Variants in COG6 observed in about 807,000 individuals in gnomAD.
COG6 encodes component of oligomeric golgi complex 6.
Under a neutral mutation model 88.8 loss-of-function variants are expected in COG6, and 74 were observed. The ratio of observed to expected loss-of-function variants is 0.83; its 90% CI spans 0.69 to 1.01. The LOEUF is 1.01. Among genes scored for constraint, COG6 ranks in the 50% least tolerant of loss-of-function variants. COG6 has a pLI of 0.00. For synonymous variants in COG6, 286 were observed against 278.7 expected (o/e 1.03, Z -0.26); for missense variants, 800 against 797.9 (o/e 1.00, Z -0.03).
At chr13:39,680,902 T>A (rs1876273921) in intron 7 of COG6, among the ~76,000 whole-genome samples, 1 of 152,196 alleles carries the variant, frequency 6.6e-6, no homozygotes, top group South Asian at 2.1e-4. Flanking sequence ...AGAAAATCTC[T>A]CCATTTTGAG....
intron 18 of COG6, among the ~76,000 whole-genome samples, chr13:39,745,476 T>C (rs1880292795): frequency 6.6e-6 from 1 of 152,018 alleles, no homozygotes; most frequent in Non-Finnish European, 1.5e-5. Context: ...AACAGACACA[T>C]GAAAAAATGC....
intron 18 of COG6, among the ~76,000 whole-genome samples, chr13:39,775,426 C>G (rs903322197): frequency 2.6e-5 from 4 of 152,162 alleles, no homozygotes; most frequent in African/African-American, 9.7e-5. Context: ...TCTCCACACA[C>G]TCTACCCACT....
chr13:39,744,503 A>C (rs1288134382), intron 18 of COG6, among the ~76,000 whole-genome samples: 3 of 152,212 alleles, frequency 2.0e-5, no homozygotes, highest in Non-Finnish European at 4.4e-5. Flanking sequence ...TCCCATTCAC[A>C]ATTGCTACAA....
At chr13:39,698,461 A>G (rs963342585) in intron 12 of COG6, among the ~76,000 whole-genome samples, 3 of 151,776 alleles carry the variant, frequency 2.0e-5, no homozygotes, top group Non-Finnish European at 4.4e-5. Flanking sequence ...GCTGTTTGCT[A>G]TATATATATG....
At chr13:39,691,575 C>T (rs1031580516) in intron 11 of COG6, among the ~76,000 whole-genome samples, 9 of 151,894 alleles carry the variant, frequency 5.9e-5, no homozygotes, top group African/African-American at 1.7e-4. Flanking sequence ...CAGGTGTTCA[C>T]AATAGTTACG....
At chr13:39,767,598 C>T (rs1370613224) in intron 18 of COG6, among the ~76,000 whole-genome samples, 1 of 152,122 alleles carries the variant, frequency 6.6e-6, no homozygotes, top group Non-Finnish European at 1.5e-5. Context: ...GTGGTGGGAG[C>T]ATTTACTAAA....
Position 39,763,492 on chromosome 13 carries a change from A to G in COG6, c.1827-24843A>G, listed in dbSNP as rs3000478. ...TGTAGATAAGCTTTATCAAATTAAG[A>G]AAGTTCCTTTCTGTTCCTGGTGTGT... On this transcript the variant is annotated intron_variant, in intron 18 of 18. Transcript: ENST00000416691. 1.9e-3 allele frequency among the ~76,000 whole-genome samples: 292 copies of G among 151,952 alleles called. 2 individuals carry two copies. The highest frequency in any genetic ancestry group is 6.8e-3 in the African/African-American group (282 of 41,548).
At chr13:39,789,839 A>T (rs982348969) in exon 19 of COG6, 4 of 153,282 alleles carry the variant, frequency 2.6e-5, no homozygotes, top group African/African-American at 9.7e-5. Flanking sequence ...GCACCCTTCT[A>T]TAGAAGTAAA....
At chr13:39,684,874 T>C (rs1876547925) in intron 8 of COG6, among the ~76,000 whole-genome samples, 1 of 152,216 alleles carries the variant, frequency 6.6e-6, no homozygotes, top group African/African-American at 2.4e-5. Flanking sequence ...GTGTTTCTTA[T>C]GTGGTGTATA....
At chr13:39,714,415 A>G (rs1466020826) in intron 13 of COG6, among the ~76,000 whole-genome samples, 2 of 152,134 alleles carry the variant, frequency 1.3e-5, no homozygotes, top group East Asian at 3.9e-4. Flanking sequence ...AGGAACACAA[A>G]CAAATCAGCA....
intron 8 of COG6, chr13:39,682,515 G>C: frequency 2.6e-6 from 1 of 384,570 alleles, no homozygotes; most frequent in Non-Finnish European, 4.8e-6. Flanking sequence ...TACTTATATA[G>C]AGGTTCAGTG....
chr13:39,726,536 A>C (rs1879143861), intron 17 of COG6, among the ~76,000 whole-genome samples: 1 of 151,924 alleles, frequency 6.6e-6, no homozygotes, highest in South Asian at 2.1e-4. Flanking sequence ...TAGTCTAAAA[A>C]TGCTGCAGTA....
At chr13:39,662,597 T>C (rs1874978410) in intron 3 of COG6, among the ~76,000 whole-genome samples, 1 of 152,242 alleles carries the variant, frequency 6.6e-6, no homozygotes. Flanking sequence ...CATTTTTATA[T>C]GCCTGTGAAA....
At chr13:39,703,431 T>C (rs903621520) in intron 13 of COG6, among the ~76,000 whole-genome samples, 3 of 152,196 alleles carry the variant, frequency 2.0e-5, no homozygotes, top group Admixed American at 6.5e-5. Flanking sequence ...TGGGTTGTCT[T>C]GTTCATTTCT....
chr13:39,774,242 A>G (rs1216918876), intron 18 of COG6, among the ~76,000 whole-genome samples: 5 of 152,196 alleles, frequency 3.3e-5, no homozygotes, highest in Non-Finnish European at 5.9e-5. Flanking sequence ...TGAAGGTAAT[A>G]CACATTTTGA....
At chr13:39,760,957 T>G (rs1398458570) in intron 18 of COG6, among the ~76,000 whole-genome samples, 4 of 151,902 alleles carry the variant, frequency 2.6e-5, no homozygotes, top group Non-Finnish European at 4.4e-5. Flanking sequence ...CTTTTTTTCA[T>G]CTAGAGTGCC....
intron 18 of COG6, among the ~76,000 whole-genome samples, chr13:39,775,289 A>G (rs1881432050): frequency 1.3e-5 from 2 of 152,306 alleles, no homozygotes; most frequent in Middle Eastern, 3.4e-3. Flanking sequence ...TAAGACAGGT[A>G]AAAAGTGTAG....
At chr13:39,705,545 C>T (rs1378099921) in intron 13 of COG6, among the ~76,000 whole-genome samples, 1 of 152,070 alleles carries the variant, frequency 6.6e-6, no homozygotes, top group Non-Finnish European at 1.5e-5. Flanking sequence ...AAAATTATTT[C>T]TCACTATAGT....
intron 18 of COG6, among the ~76,000 whole-genome samples, chr13:39,761,660 A>C (rs1457430754): frequency 3.9e-5 from 6 of 152,026 alleles, no homozygotes; most frequent in Non-Finnish European, 8.8e-5. Context: ...ACATACAAGG[A>C]CCTCAAACAA....
Sources: allele counts gnomAD v4.1 joint callset (sites outside exome capture counted in the v4.1 genomes callset), GRCh38; gene constraint gnomAD v4.1.1; transcripts MANE v1.5; gene names NCBI Gene and HGNC (gene_info 2026-07-23, HGNC 2026-07-21).